The following FOXO3 variants were observed in gnomAD, a reference collection of about 807,000 sequenced individuals.
FOXO3 encodes forkhead box O3.
A neutral mutation model predicts 41.9 loss-of-function variants in FOXO3; 4 were observed. The observed-to-expected ratio is 0.10, with a 90% CI of 0.05 to 0.22. The LOEUF (loss-of-function observed/expected upper bound fraction) is 0.22. FOXO3 is among the 10% of genes least tolerant of loss of function. The pLI is 1.00. For missense variants in FOXO3, 534 were observed against 906.8 expected (o/e 0.59, Z 5.28); for synonymous variants, 318 against 389.3 (o/e 0.82, Z 2.16).
At chr6:108,565,430 A>AC (rs771935342) in intron 1 of FOXO3, among the ~76,000 whole-genome samples, 15 of 152,228 alleles carry the variant, frequency 9.9e-5, no homozygotes, top group Non-Finnish European at 1.6e-4. Flanking sequence ...CCATGATTGA[A>AC]CAAGTGAGTT....
intron 1 of FOXO3, among the ~76,000 whole-genome samples, chr6:108,633,157 T>A (rs1420126149): frequency 6.6e-6 from 1 of 152,204 alleles, no homozygotes; most frequent in African/African-American, 2.4e-5. Flanking sequence ...TACTCAGTGC[T>A]CCATAAATAC....
chr6:108,561,403 C>T lies in FOXO3; in HGVS notation c.195C>T (p.Asp65=), dbSNP rs777480057. 7 of 1,546,772 alleles carry T rather than the reference C, an allele frequency of 4.5e-6. No homozygotes were observed. The African/African-American group carries it at 8.2e-5, about 18-fold the overall frequency. The part of the protein sequence containing the change: ...SMIPEEEDDE[D]DEDGGGRAGS... ...TCCCCGAGGAGGAGGACGATGAAGA[C>T]GACGAGGACGGCGGGGGACGGGCCG... The change falls in exon 1 of 3, where the codon GAC becomes GAT. Residue 65 remains aspartate, a synonymous_variant. Coordinates refer to ENST00000406360, the MANE Select transcript of FOXO3 (RefSeq NM_001455.4).
intron 1 of FOXO3, among the ~76,000 whole-genome samples, chr6:108,578,703 A>G (rs1363043253): frequency 1.3e-5 from 2 of 152,126 alleles, no homozygotes; most frequent in Non-Finnish European, 2.9e-5. Context: ...CCACTATCAG[A>G]CGGGAGTAGT....
chr6:108,568,360 C>T (rs1776003021), intron 1 of FOXO3, among the ~76,000 whole-genome samples: 1 of 152,082 alleles, frequency 6.6e-6, no homozygotes, highest in Non-Finnish European at 1.5e-5. Context: ...GCTTCTCCTC[C>T]CCTCTTCTAG....
chr6:108,574,409 GAT>G (rs1407229473), intron 1 of FOXO3, among the ~76,000 whole-genome samples: 2 of 152,092 alleles, frequency 1.3e-5, no homozygotes, highest in African/African-American at 4.8e-5. Flanking sequence ...GGGACAGTAG[GAT>G]ATCTGTGCTT....
intron 1 of FOXO3, among the ~76,000 whole-genome samples, chr6:108,627,283 C>G (rs1777837217): frequency 6.6e-6 from 1 of 151,936 alleles, no homozygotes; most frequent in Non-Finnish European, 1.5e-5. Context: ...GGTAGTGGAA[C>G]TGAGAGTGAG....
At chr6:108,560,798 T>A, upstream of FOXO3, 79 of 263,510 alleles carry the variant, frequency 3.0e-4, no homozygotes, top group East Asian at 6.1e-4. Context: ...CCCCTCCCCC[T>A]TCTCCCCGCC....
intron 1 of FOXO3, among the ~76,000 whole-genome samples, chr6:108,639,065 G>T (rs940370924): frequency 3.9e-5 from 6 of 152,152 alleles, no homozygotes; most frequent in Admixed American, 3.9e-4. Flanking sequence ...TATAACAGGA[G>T]ACTTTTCACG....
chr6:108,676,366 T>A (rs1194813122), intron 2 of FOXO3, among the ~76,000 whole-genome samples: 1 of 152,252 alleles, frequency 6.6e-6, no homozygotes, highest in African/African-American at 2.4e-5. Flanking sequence ...TACAGCATTT[T>A]AAAATTTTAT....
At chr6:108,615,183 T>C (rs1009091559) in intron 1 of FOXO3, among the ~76,000 whole-genome samples, 1 of 152,128 alleles carries the variant, frequency 6.6e-6, no homozygotes, top group Non-Finnish European at 1.5e-5. Flanking sequence ...TTTACTCATA[T>C]ATTGATCATT....
chr6:108,617,412 A>C (rs1199915591), intron 1 of FOXO3, among the ~76,000 whole-genome samples: 2 of 152,190 alleles, frequency 1.3e-5, no homozygotes, highest in African/African-American at 4.8e-5. Flanking sequence ...CATATTAAAC[A>C]AGAAGTTTAT....
chr6:108,662,339 A>T (rs1778892411), intron 1 of FOXO3, among the ~76,000 whole-genome samples: 1 of 152,160 alleles, frequency 6.6e-6, no homozygotes, highest in Admixed American at 6.5e-5. Flanking sequence ...TCACCTACTG[A>T]AATAGTGTTT....
intron 1 of FOXO3, among the ~76,000 whole-genome samples, chr6:108,644,402 C>G (rs1778339840): frequency 6.6e-6 from 1 of 152,186 alleles, no homozygotes; most frequent in South Asian, 2.1e-4. Context: ...GCTTCTGTCC[C>G]TACCACTCCT....
chr6:108,645,402 CTCT>C (rs1410727932), intron 1 of FOXO3, among the ~76,000 whole-genome samples: 3 of 151,568 alleles, frequency 2.0e-5, no homozygotes, highest in Admixed American at 2.0e-4. Context: ...ATGTAAGCCT[CTCT>C]TCGAGCCTTC....
At chr6:108,565,145 G>A (rs549509735) in intron 1 of FOXO3, among the ~76,000 whole-genome samples, 1 of 152,324 alleles carries the variant, frequency 6.6e-6, no homozygotes, top group African/African-American at 2.4e-5. Flanking sequence ...GATGGAGGCT[G>A]AGTGAGTGTA....
At chr6:108,645,157 T>G (rs1266086306) in intron 1 of FOXO3, among the ~76,000 whole-genome samples, 3 of 152,248 alleles carry the variant, frequency 2.0e-5, no homozygotes, top group African/African-American at 7.2e-5. Context: ...GAGACTGCCT[T>G]ACTTTCTGTT....
intron 1 of FOXO3, chr6:108,617,880 CAG>C (rs1209426615): frequency 1.2e-5 from 4 of 331,546 alleles, no homozygotes; most frequent in Non-Finnish European, 1.7e-5. Context: ...AATGAACAAA[CAG>C]AGAAAACTAT....
chr6:108,653,189 T>C (rs1778591895), intron 1 of FOXO3, among the ~76,000 whole-genome samples: 1 of 152,252 alleles, frequency 6.6e-6, no homozygotes, highest in African/African-American at 2.4e-5. Context: ...TTCTTTGGTC[T>C]CAATGTTTTA....
chr6:108,623,562 C>T (rs902076593), intron 1 of FOXO3, among the ~76,000 whole-genome samples: 4 of 152,110 alleles, frequency 2.6e-5, no homozygotes, highest in African/African-American at 4.8e-5. Flanking sequence ...CCTTGTCAGA[C>T]GTTTTGCTCC....
Sources: allele counts gnomAD v4.1 joint callset (sites outside exome capture counted in the v4.1 genomes callset), GRCh38; gene constraint gnomAD v4.1.1; transcripts MANE v1.5; gene names NCBI Gene and HGNC (gene_info 2026-07-23, HGNC 2026-07-21).